The following CFTR variants were observed in gnomAD, a reference collection of about 807,000 sequenced individuals.
CFTR encodes cystic fibrosis transmembrane conductance regulator.
In CFTR, 181 loss-of-function variants were observed where a neutral mutation model predicts 171.6. That is an observed-to-expected ratio of 1.05 (90% CI 0.93 to 1.19). The LOEUF (loss-of-function observed/expected upper bound fraction) is 1.19. CFTR is among the 50% of genes most tolerant of loss of function. CFTR has a pLI of 0.00. For missense variants in CFTR, 1,968 were observed against 1,734.7 expected, an observed-to-expected ratio of 1.13 and a Z score of -2.39; for synonymous variants, 583 against 608.0, an observed-to-expected ratio of 0.96 and a Z score of 0.60.
At position 117,592,307 on chromosome 7, in the gene CFTR, G is replaced by A; in HGVS notation, c.2140G>A (p.Val714Met). The change falls in exon 14 of 27, where the codon GTG (valine) becomes ATG (methionine). Residue 714 changes from valine (V) to methionine (M), a missense_variant. By Grantham distance (21) the Val-to-Met change is conservative. Transcript: ENST00000003084. ...CAACTCTATACGAAAATTTTCCATT[G>A]TGCAAAAGACTCCCTTACAAATGAA... ...PINSIRKFSI[V>M]QKTPLQMNGI... 1 of 1,614,120 alleles carries A rather than the reference G, an allele frequency of 6.2e-7. No homozygotes were observed. The highest frequency in any genetic ancestry group is 8.5e-7 in the Non-Finnish European group (1 of 1,180,032).
chr7:117,623,861 G>A (rs1475493617), intron 21 of CFTR, among the ~76,000 whole-genome samples: 1 of 152,176 alleles, frequency 6.6e-6, no homozygotes, highest in Non-Finnish European at 1.5e-5. Context: ...GGAACGCTTT[G>A]AACGAGGTTA....
chr7:117,642,466 G>A lies in CFTR; in HGVS notation c.3746G>A (p.Gly1249Glu), dbSNP rs121909040. 2.5e-6 allele frequency: 4 copies of A among 1,613,480 alleles called. No homozygotes were observed. The highest frequency in any genetic ancestry group is 1.3e-5 in the African/African-American group (1 of 74,870). Reference protein sequence around the residue: ...RVGLLGRTGSGKSTLLSAFLR... With the variant: ...RVGLLGRTGSEKSTLLSAFLR... ...GGCCTCTTGGGAAGAACTGGATCAG[G>A]GAAGAGTACTTTGTTATCAGCTTTT... The change falls in exon 23 of 27, where the codon GGG (glycine) becomes GAG (glutamate). Residue 1249 changes from glycine (G) to glutamate (E), a missense_variant. Coordinates refer to ENST00000003084, the MANE Select transcript of CFTR (RefSeq NM_000492.4).
chr7:117,552,330 G>T (rs1052632207), intron 10 of CFTR, among the ~76,000 whole-genome samples: 2 of 151,946 alleles, frequency 1.3e-5, no homozygotes, highest in African/African-American at 4.8e-5. Flanking sequence ...TGGATTATCA[G>T]AGCTATATTG....
intron 3 of CFTR, among the ~76,000 whole-genome samples, chr7:117,512,353 C>T (rs1798531820): frequency 6.6e-6 from 1 of 152,138 alleles, no homozygotes; most frequent in South Asian, 2.1e-4. Flanking sequence ...CAAGTCCGGG[C>T]ACGGGGGCTC....
chr7:117,508,591 T>G lies in CFTR; in HGVS notation c.165-443T>G, dbSNP rs3808189. On this transcript the variant is annotated intron_variant, in intron 2 of 26. Coordinates refer to ENST00000003084, the MANE Select transcript of CFTR (RefSeq NM_000492.4). ...AAGCCACCTGACATTTTAACTTGTT[T>G]TTGATTTGACAGTGAAATCTTATAA... 3.3e-5 allele frequency among the ~76,000 whole-genome samples: 5 copies of G among 152,374 alleles called. 1 individual carries two copies. In the East Asian group the frequency reaches 9.6e-4, roughly 29 times the overall value.
At chr7:117,661,701 G>A (rs1793288985) in intron 24 of CFTR, among the ~76,000 whole-genome samples, 1 of 152,104 alleles carries the variant, frequency 6.6e-6, no homozygotes, top group African/African-American at 2.4e-5. Context: ...GAGTTGCCCA[G>A]GCTCCAATAA....
rs941804727 is a variant in CFTR, at chr7:117,627,386, A to T, written c.3469-136A>T. 7.7e-6 allele frequency: 7 copies of T among 907,580 alleles called. No individual in the cohort carries two copies. In the African/African-American group the frequency reaches 1.2e-4, roughly 15 times the overall value. 56.2% of individuals were successfully genotyped at this position (907,580 alleles called of 1,614,324 possible). A position where few individuals can be genotyped will look rare whatever the true frequency, so the allele number is the denominator to read the frequency against. ...ATATCCAATTATTTCCTGTTAGTTC[A>T]TTGAAAAGCCCGACAAATAACCAAG... is the stretch of plus-strand genomic sequence containing the variant. On this transcript the variant is annotated intron_variant, in intron 21 of 26. Coordinates refer to ENST00000003084, the MANE Select transcript of CFTR (RefSeq NM_000492.4).
chr7:117,563,884 T>C (rs1359487015), intron 11 of CFTR, among the ~76,000 whole-genome samples: 1 of 152,194 alleles, frequency 6.6e-6, no homozygotes, highest in South Asian at 2.1e-4. Flanking sequence ...GCTTCCTTAG[T>C]CATCTCATAA....
At chr7:117,533,960 A>G (rs1798904244) in intron 4 of CFTR, among the ~76,000 whole-genome samples, 1 of 152,160 alleles carries the variant, frequency 6.6e-6, no homozygotes, top group Non-Finnish European at 1.5e-5. Context: ...ATCTTTTAAA[A>G]CAAAACAAAA....
In CFTR at chr7:117,553,567, A is replaced by T. The variant is rs535014246; in HGVS notation, c.1392+4744A>T. ...GATTTCCCCACAGCATTACTAACAG[A>T]TGATATTATCTAATTTAAAAAGTTT... is the stretch of plus-strand genomic sequence containing the variant. On this transcript the variant is annotated intron_variant, in intron 10 of 26. Transcript: ENST00000003084. Among the ~76,000 whole-genome samples the T allele has an allele frequency of 2.6e-5, 4 of 152,326 alleles. No homozygotes were observed. In the South Asian group the frequency reaches 8.3e-4, roughly 32 times the overall value.
chr7:117,620,885 T>A (rs1487482901), intron 21 of CFTR, among the ~76,000 whole-genome samples: 1 of 152,062 alleles, frequency 6.6e-6, no homozygotes, highest in Non-Finnish European at 1.5e-5. Flanking sequence ...GGCAGGTGGA[T>A]CACTTGAGAA....
intron 11 of CFTR, among the ~76,000 whole-genome samples, chr7:117,570,206 AAC>A (rs1491409301): frequency 6.6e-6 from 1 of 151,760 alleles, no homozygotes; most frequent in Non-Finnish European, 1.5e-5. Flanking sequence ...AAAAAAAAAA[AAC>A]AAACAAAAAA....
At chr7:117,583,046 G>C (rs1791871284) in intron 11 of CFTR, among the ~76,000 whole-genome samples, 1 of 152,046 alleles carries the variant, frequency 6.6e-6, no homozygotes. Flanking sequence ...AAATATAAAT[G>C]TTATAGACAC....
chr7:117,592,025 C>A lies in CFTR; in HGVS notation c.1858C>A (p.His620Asn). The change falls in exon 14 of 27, where the codon CAT becomes AAT. Residue 620 changes from histidine to asparagine, a missense_variant. Transcript: ENST00000003084. ...GAAAGCTGACAAAATATTAATTTTG[C>A]ATGAAGGTAGCAGCTATTTTTATGG... ...LKKADKILIL[H>N]EGSSYFYGTF... 6.3e-7 allele frequency: 1 copy of A among 1,594,816 alleles called. No homozygotes were observed. Among genetic ancestry groups the A allele is most frequent in the Non-Finnish European group, 8.5e-7 (1 of 1,174,450 alleles).
chr7:117,557,545 TTTGCTTCAAGAATA>T (rs143964990), intron 10 of CFTR, among the ~76,000 whole-genome samples: 36,711 of 151,918 alleles, frequency 0.24, 4,719 homozygotes, highest in East Asian at 0.42. Context: ...TTCTGTAATT[TTTGCTTCAAGAATA>T]TTGCTTTTTA....
At chr7:117,595,177 AAG>A in intron 15 of CFTR, 119 bp downstream of exon 15, 3 of 752,496 alleles carry the variant, frequency 4.0e-6, no homozygotes, top group Non-Finnish European at 6.8e-6. Flanking sequence ...ATACATGTAT[AAG>A]TATGCATATA....
intron 1 of CFTR, among the ~76,000 whole-genome samples, chr7:117,499,183 T>C (rs1178391045): frequency 1.3e-5 from 2 of 152,166 alleles, no homozygotes; most frequent in Non-Finnish European, 2.9e-5. Flanking sequence ...CTGATATCCA[T>C]GACCTTCATC....
At chr7:117,635,110 G>A (rs1267564103) in intron 22 of CFTR, among the ~76,000 whole-genome samples, 1 of 152,034 alleles carries the variant, frequency 6.6e-6, no homozygotes, top group Non-Finnish European at 1.5e-5. Flanking sequence ...ATCAACTTCT[G>A]CTTCATGTCT....
At chr7:117,547,912 T>C (rs1304783722) in intron 9 of CFTR, among the ~76,000 whole-genome samples, 4 of 152,162 alleles carry the variant, frequency 2.6e-5, no homozygotes, top group African/African-American at 9.7e-5. Flanking sequence ...TAGAGTCCCT[T>C]AAAACAAGGT....
Sources: gnomAD v4.1 joint callset for allele counts (sites outside exome capture counted in the v4.1 genomes callset) on GRCh38, gnomAD v4.1.1 for gene constraint, MANE v1.5 for transcripts, NCBI Gene and HGNC (gene_info 2026-07-23, HGNC 2026-07-21) for gene names.